The following PPP1R37 variants were observed in gnomAD, a reference collection of about 807,000 sequenced individuals.
The protein encoded by PPP1R37 is protein phosphatase 1 regulatory subunit 37.
Under a neutral mutation model 61.0 loss-of-function variants are expected in PPP1R37, and 21 were observed. The observed-to-expected ratio is 0.34, with a 90% CI of 0.24 to 0.50. PPP1R37 has a LOEUF of 0.50. Ranked by LOEUF, PPP1R37 falls within the 20% of genes least tolerant of loss-of-function variation. PPP1R37 has a pLI of 0.98. For missense variants in PPP1R37, 910 were observed against 952.7 expected (o/e 0.96, Z 0.59); for synonymous variants, 443 against 433.5 (o/e 1.02, Z -0.27).
intron 8 of PPP1R37, chr19:45,143,854 C>G (rs1051184269): frequency 1.5e-5 from 6 of 397,122 alleles, no homozygotes; most frequent in African/African-American, 8.5e-5. Context: ...TTTTTGAGAC[C>G]GAGTCTCATC....
intron 1 of PPP1R37, among the ~76,000 whole-genome samples, chr19:45,132,183 G>A (rs1476301015): frequency 1.3e-5 from 2 of 152,060 alleles, no homozygotes; most frequent in African/African-American, 4.8e-5. Flanking sequence ...ATGCATCTGA[G>A]CCCTGACCTT....
In PPP1R37 at chr19:45,138,905, C is replaced by CTTTTTTTTTTTTT. The variant is rs34081163; in HGVS notation, c.300+307_300+319dup. ...GTCTGAATTACAAAATTTATGTATT[C>CTTTTTTTTTTTTT]TTTTTTTTTTTTTTTTTTTTTTTTT... On this transcript the variant is annotated intron_variant, in intron 2 of 12. Coordinates refer to ENST00000221462, the MANE Select transcript of PPP1R37 (RefSeq NM_019121.2). Among the ~76,000 whole-genome samples the CTTTTTTTTTTTTT allele has an allele frequency of 3.6e-4, 26 of 73,060 alleles. 2 individuals carry two copies. The highest frequency in any genetic ancestry group is 1.0e-3 in the African/African-American group (19 of 18,690). 47.9% of individuals were successfully genotyped at this position (73,060 alleles called of 152,430 possible).
At chr19:45,112,015 C>G (rs1275435946) in intron 1 of PPP1R37, among the ~76,000 whole-genome samples, 1 of 151,556 alleles carries the variant, frequency 6.6e-6, no homozygotes, top group African/African-American at 2.4e-5. Context: ...GTCGTCCAGG[C>G]TGGAGTGCAG....
At position 45,139,729 on chromosome 19, in the gene PPP1R37, C is replaced by T. The variant is rs559650348; in HGVS notation, c.301-507C>T. Among the ~76,000 whole-genome samples, 239 of 152,340 alleles carry T rather than the reference C, an allele frequency of 1.6e-3. 1 individual carries two copies. The highest frequency in any genetic ancestry group is 2.2e-3 in the Non-Finnish European group (150 of 68,026). ...GTCCTTGGACCCCATCGGCCTGGTT[C>T]AGACCAGCCCTGCAGCACCCACCCT... On this transcript the variant is annotated intron_variant, in intron 2 of 12. Coordinates refer to ENST00000221462, the MANE Select transcript of PPP1R37 (RefSeq NM_019121.2).
Position 45,145,587 on chromosome 19 carries a change from T to G in PPP1R37, c.1531T>G (p.Ser511Ala), listed in dbSNP as rs1434053392. ...PSPDSDSDSD[S>A]DGEEEEEEEG... ...CCCGGACTCAGACTCAGACTCGGAC[T>G]CGGATGGGGAGGAAGAGGAGGAAGA... Residue 511 changes from serine (S) to alanine (A), a missense_variant, in exon 11 of 13, where the codon TCG becomes GCG. By Grantham distance (99) the Ser-to-Ala change is moderately conservative (BLOSUM62 1). Transcript: ENST00000221462. 1 of 1,535,526 alleles carries G rather than the reference T, an allele frequency of 6.5e-7. No individual in the cohort carries two copies. The highest frequency in any genetic ancestry group is 1.4e-5 in the African/African-American group (1 of 72,806).
chr19:45,132,279 G>T (rs1968487322), intron 1 of PPP1R37, among the ~76,000 whole-genome samples: 1 of 152,066 alleles, frequency 6.6e-6, no homozygotes, highest in Admixed American at 6.6e-5. Context: ...CAAGAGGAAT[G>T]TAAAAGCTAA....
At chr19:45,115,614 G>A (rs1968256576) in intron 1 of PPP1R37, among the ~76,000 whole-genome samples, 1 of 152,138 alleles carries the variant, frequency 6.6e-6, no homozygotes. Flanking sequence ...CTATCTTAGG[G>A]TTGTTGAAGA....
chr19:45,093,655 C>T (rs1180925754), intron 1 of PPP1R37, 128 bp downstream of exon 1: 2 of 625,736 alleles, frequency 3.2e-6, no homozygotes, highest in East Asian at 3.2e-5. Flanking sequence ...GGACAGTCGT[C>T]AGTTTAGAAC....
rs532299441 is a variant in PPP1R37 at position 45,104,837 on chromosome 19, C to T, written c.202+11310C>T. 3.9e-5 allele frequency among the ~76,000 whole-genome samples: 6 copies of T among 152,216 alleles called. No individual in the cohort carries two copies. The East Asian group carries it at 7.7e-4, about 20-fold the overall frequency. On this transcript the variant is annotated intron_variant, in intron 1 of 12. Coordinates refer to ENST00000221462, the MANE Select transcript of PPP1R37 (RefSeq NM_019121.2). ...GTGGCTTCCTTTCAGTCCTAGAACA[C>T]GCAGGCAGCTCCCCACATCCTGTCC...
chr19:45,122,157 G>C (rs959198439), intron 1 of PPP1R37, among the ~76,000 whole-genome samples: 2 of 152,188 alleles, frequency 1.3e-5, no homozygotes, highest in African/African-American at 2.4e-5. Context: ...AGCAGAGGAC[G>C]GAACTGGACA....
At position 45,145,266 on chromosome 19, in the gene PPP1R37, C is replaced by A. The variant is rs1352637965; in HGVS notation, c.1296+6C>A. On this transcript the variant is annotated splice_donor_region_variant and intron_variant, in intron 10 of 12. Coordinates refer to ENST00000221462, the MANE Select transcript of PPP1R37 (RefSeq NM_019121.2). Reference sequence around the variant, plus strand: ...GTGAACCCAAGAAAGAGGCGGTGAGCAGGGGACGGTCCTGCAGCCCTGGGG... The same window carrying A: ...GTGAACCCAAGAAAGAGGCGGTGAGAAGGGGACGGTCCTGCAGCCCTGGGG... 1 of 1,529,634 alleles carries A rather than the reference C, an allele frequency of 6.5e-7. No homozygotes were observed. Among genetic ancestry groups the A allele is most frequent in the South Asian group, 1.2e-5 (1 of 83,198 alleles). 94.8% of individuals were successfully genotyped at this position (1,529,634 alleles called of 1,614,324 possible).
At chr19:45,093,589 G>A in intron 1 of PPP1R37, 62 bp downstream of exon 1, 1 of 1,334,396 alleles carries the variant, frequency 7.5e-7, no homozygotes, top group East Asian at 2.7e-5. Flanking sequence ...GGAGGGATCG[G>A]TGCAGGGCCC....
chr19:45,133,475 G>C (rs550689338), intron 1 of PPP1R37, among the ~76,000 whole-genome samples: 1 of 152,362 alleles, frequency 6.6e-6, no homozygotes, highest in Non-Finnish European at 1.5e-5. Flanking sequence ...CACTGAGTGT[G>C]TGAGAGAGAC....
intron 1 of PPP1R37, among the ~76,000 whole-genome samples, chr19:45,114,544 G>A (rs1372552006): frequency 6.6e-6 from 1 of 152,224 alleles, no homozygotes; most frequent in Non-Finnish European, 1.5e-5. Context: ...TGGGGTGGAG[G>A]GCAGTTTTTA....
intron 5 of PPP1R37, among the ~76,000 whole-genome samples, chr19:45,141,762 G>T (rs1968614963): frequency 6.6e-6 from 1 of 152,246 alleles, no homozygotes; most frequent in Non-Finnish European, 1.5e-5. Context: ...AAGGCTGGGT[G>T]GAGGGACGGG....
At chr19:45,139,618 A>G (rs1395757982) in intron 2 of PPP1R37, among the ~76,000 whole-genome samples, 1 of 152,180 alleles carries the variant, frequency 6.6e-6, no homozygotes, top group Non-Finnish European at 1.5e-5. Context: ...CACTGGAGTT[A>G]GGGTAGGTTC....
At chr19:45,095,211 G>A (rs1014499792) in intron 1 of PPP1R37, among the ~76,000 whole-genome samples, 2 of 152,076 alleles carry the variant, frequency 1.3e-5, no homozygotes, top group Non-Finnish European at 2.9e-5. Context: ...TTTTTTAGAC[G>A]GAGTCTCCCT....
chr19:45,097,997 A>G (rs542142296), intron 1 of PPP1R37, among the ~76,000 whole-genome samples: 36 of 152,176 alleles, frequency 2.4e-4, no homozygotes, highest in Admixed American at 2.3e-3. Flanking sequence ...CTTGCAGAGC[A>G]TTGTGTTTCC....
intron 1 of PPP1R37, among the ~76,000 whole-genome samples, chr19:45,127,890 C>T (rs1280294952): frequency 2.7e-5 from 4 of 150,836 alleles, no homozygotes; most frequent in Non-Finnish European, 5.9e-5. Flanking sequence ...CAGGAGAATC[C>T]CTTGAACCCG....
Sources: allele counts gnomAD v4.1 joint callset (sites outside exome capture counted in the v4.1 genomes callset), GRCh38; gene constraint gnomAD v4.1.1; transcripts MANE v1.5; gene names NCBI Gene and HGNC (gene_info 2026-07-23, HGNC 2026-07-21).